Variants in MOV10 observed in about 807,000 individuals in gnomAD.
MOV10 encodes Mov10 RNA helicase, also known as RNA helicase MOV-10.
In MOV10, 39 loss-of-function variants were observed where a neutral mutation model predicts 108.4. That is an observed-to-expected ratio of 0.36 (90% CI 0.28 to 0.47). MOV10 has a LOEUF of 0.47. Among genes scored for constraint, MOV10 ranks in the 20% least tolerant of loss-of-function variants. The pLI, the probability that MOV10 is intolerant of heterozygous loss-of-function variation, is 1.00. For synonymous variants in MOV10, 490 were observed against 523.1 expected (o/e 0.94, Z 0.86); for missense variants, 952 against 1,297.6 (o/e 0.73, Z 4.09).
In MOV10 at chr1:112,688,948, G is replaced by A. The variant is rs561408204; in HGVS notation, c.151G>A (p.Ala51Thr). 17 of 1,612,222 alleles carry A rather than the reference G, an allele frequency of 1.1e-5. No individual in the cohort carries two copies. Among genetic ancestry groups the A allele is most frequent in the Middle Eastern group, 2.2e-4 (1 of 4,576 alleles). The stretch of plus-strand genomic sequence containing the variant: ...TGCTTCTGGCAGCTTTGGGACCCCC[G>A]CCCCTGGCTTCTCCTCCATGCTGTA... ...RDFKISFGTP[A>T]PGFSSMLYGM... The change falls in exon 3 of 21, where the codon GCC becomes ACC. Residue 51 changes from alanine (A) to threonine (T), a missense_variant. Physicochemically the swap from Ala to Thr is moderately conservative, Grantham distance 58 (BLOSUM62 0). Coordinates refer to ENST00000369645, the MANE Select transcript of MOV10 (RefSeq NM_001321324.2).
chr1:112,677,476 C>T (rs1570745524), intron 2 of MOV10, among the ~76,000 whole-genome samples: 1 of 151,732 alleles, frequency 6.6e-6, no homozygotes, highest in East Asian at 1.9e-4. Flanking sequence ...CTTGCTTTTT[C>T]TCTGGGCTCT....
chr1:112,686,482 G>A lies in MOV10; in HGVS notation c.138-2453G>A, dbSNP rs191357303. ...GGTTTCTTGTTTTCCCTTCCTCCCC[G>A]GGTTGTGCTAGTAGCTGCTCTCAAC... On this transcript the variant is annotated intron_variant, in intron 2 of 20. Transcript: ENST00000369645. Among the ~76,000 whole-genome samples the A allele has an allele frequency of 2.6e-5, 4 of 152,120 alleles. No homozygotes were observed. In the East Asian group the frequency reaches 7.7e-4, roughly 29 times the overall value.
intron 14 of MOV10, among the ~76,000 whole-genome samples, chr1:112,697,449 GAC>G (rs1674207301): frequency 6.6e-6 from 1 of 152,266 alleles, no homozygotes; most frequent in African/African-American, 2.4e-5. Context: ...TAGCCTGGGT[GAC>G]AGAGCGAGAC....
intron 16 of MOV10, 62 bp from the exon 17 acceptor site, chr1:112,698,653 C>A: frequency 6.4e-7 from 1 of 1,557,288 alleles, no homozygotes; most frequent in Non-Finnish European, 8.9e-7. Flanking sequence ...TGGCCTCCTG[C>A]CAGGCTCCCT....
chr1:112,689,397 G>A lies in MOV10; in HGVS notation c.342-18G>A. ...ACCGCTCCCACCCCAACCCCCCCTT[G>A]ACTCCCCTTCTCCCCAGGGCTGAGT... On this transcript the variant is annotated intron_variant, in intron 3 of 20. Coordinates refer to ENST00000369645, the MANE Select transcript of MOV10 (RefSeq NM_001321324.2). 29 of 615,310 alleles carry A rather than the reference G, an allele frequency of 4.7e-5. No individual in the cohort carries two copies. The highest frequency in any genetic ancestry group is 7.6e-5 in the Non-Finnish European group (26 of 342,098). The allele number at this position is 615,310 out of a possible 1,614,324, so 38.1% of individuals were successfully genotyped here.
intron 11 of MOV10, among the ~76,000 whole-genome samples, chr1:112,695,885 C>CA (rs972922533): frequency 1.5e-4 from 23 of 151,992 alleles, no homozygotes; most frequent in African/African-American, 5.6e-4. Flanking sequence ...ACTAAAAATA[C>CA]AAAAAAATCA....
intron 2 of MOV10, 190 bp from the exon 3 acceptor site, chr1:112,688,745 C>T (rs1210192066): frequency 6.3e-6 from 9 of 1,437,788 alleles, no homozygotes; most frequent in South Asian, 1.5e-5. Context: ...GTCCCATTGC[C>T]TTCCCTGAAA....
chr1:112,694,113 A>C lies in MOV10; in HGVS notation c.1236A>C (p.Thr412=). Residue 412 remains threonine (T), a synonymous_variant, in exon 8 of 21, where the codon ACA becomes ACC. Coordinates refer to ENST00000369645, the MANE Select transcript of MOV10 (RefSeq NM_001321324.2). This position sits in a 1 kb window ranked among gnomAD's most constrained non-coding sequence, Gnocchi z 4.1. ...SSETHQEDPI[T]YKGFVHKVEL... ...AGACACACCAGGAGGACCCCATCAC[A>C]TATAAGGGCTTTGTGCACAAGGTGG... The C allele has an allele frequency of 6.2e-7, 1 of 1,614,008 alleles. No individual in the cohort carries two copies. The highest frequency in any genetic ancestry group is 1.1e-5 in the South Asian group (1 of 91,076).
At position 112,695,289 on chromosome 1, in the gene MOV10, G is replaced by T; in HGVS notation, c.1621-127G>T. The T allele has an allele frequency of 4.4e-6, 4 of 918,808 alleles. No individual in the cohort carries two copies. In the South Asian group the frequency reaches 6.5e-5, roughly 15 times the overall value. 56.9% of individuals were successfully genotyped at this position (918,808 alleles called of 1,614,324 possible). A position where few individuals can be genotyped will look rare whatever the true frequency, so the allele number is the denominator to read the frequency against. On this transcript the variant is annotated intron_variant, in intron 10 of 20. Coordinates refer to ENST00000369645, the MANE Select transcript of MOV10 (RefSeq NM_001321324.2). Reference sequence around the variant, plus strand: ...GTGGCTGTGGAGCACTGTTGTACGGGTAGGGCACTGCATGAATCTTGGAGT... The same window carrying T: ...GTGGCTGTGGAGCACTGTTGTACGGTTAGGGCACTGCATGAATCTTGGAGT...
intron 5 of MOV10, among the ~76,000 whole-genome samples, chr1:112,691,226 A>C (rs1377365850): frequency 2.6e-5 from 4 of 152,138 alleles, no homozygotes; most frequent in Non-Finnish European, 4.4e-5. Flanking sequence ...CGGTGGTTGC[A>C]GTGAGCCGAG....
intron 12 of MOV10, 26 bp from the exon 13 acceptor site, chr1:112,696,411 C>A (rs762351563): frequency 1.3e-6 from 2 of 1,578,718 alleles, no homozygotes; most frequent in Non-Finnish European, 1.7e-6. Context: ...CTGGATATGA[C>A]CCCTGCCTGG....
intron 7 of MOV10, among the ~76,000 whole-genome samples, chr1:112,693,278 G>A (rs1570793019): frequency 1.3e-5 from 2 of 152,210 alleles, no homozygotes; most frequent in South Asian, 2.1e-4. Flanking sequence ...AATTACACAC[G>A]AGAATGGATT....
rs776616491 is a variant in MOV10, at chr1:112,694,488, A to G, written c.1331A>G (p.Lys444Arg). 3 of 1,614,096 alleles carry G rather than the reference A, an allele frequency of 1.9e-6. No homozygotes were observed. In the South Asian group the frequency reaches 3.3e-5, roughly 18 times the overall value. Residue 444 changes from lysine (K) to arginine (R), a missense_variant, in exon 9 of 21, where the codon AAG becomes AGG. Transcript: ENST00000369645. The surrounding 1 kb of genome is among the most constrained non-coding windows in gnomAD (Gnocchi z 4.1). ...CGCTTTGTGGATGGGCTGACCTTCA[A>G]GGTGAACTTTACCTTCAACCGCCAG... ...LSRFVDGLTF[K>R]VNFTFNRQPL...
Position 112,679,935 on chromosome 1 carries a change from G to T in MOV10, c.137+4886G>T, listed in dbSNP as rs1672490583. Among the ~76,000 whole-genome samples the T allele has an allele frequency of 2.0e-5, 3 of 152,090 alleles. 1 individual carries two copies. Among genetic ancestry groups the T allele is most frequent in the African/African-American group, 7.3e-5 (3 of 41,362 alleles). On this transcript the variant is annotated intron_variant, in intron 2 of 20. Transcript: ENST00000369645. ...AAAGTTGTAAAGGTTCATTCTCTTT[G>T]ACCCAGGTGTTGTACTTTAAGGAAT...
Position 112,691,776 on chromosome 1 carries a change from C to T in MOV10, c.948C>T (p.Ala316=). The T allele has an allele frequency of 6.2e-7, 1 of 1,614,096 alleles. No individual in the cohort carries two copies. Reference sequence around the variant, plus strand: ...TTCAGGGAACAAGTATCTTCACTGCCCCTAAGGAGATCGCAGAGATCAAGT... The same window carrying T: ...TTCAGGGAACAAGTATCTTCACTGCTCCTAAGGAGATCGCAGAGATCAAGT... ...MLLQGTSIFT[A]PKEIAEIKAQ... is the part of the protein sequence containing the mutation. Residue 316 remains alanine, a synonymous_variant, in exon 6 of 21, where the codon GCC becomes GCT. Transcript: ENST00000369645.
At chr1:112,691,241 C>T (rs1208538355) in intron 5 of MOV10, among the ~76,000 whole-genome samples, 5 of 151,974 alleles carry the variant, frequency 3.3e-5, no homozygotes, top group African/African-American at 7.2e-5. Context: ...GCCGAGATTG[C>T]GCCATTGCAC....
chr1:112,677,639 A>G (rs1415471463), intron 2 of MOV10, among the ~76,000 whole-genome samples: 1 of 152,080 alleles, frequency 6.6e-6, no homozygotes, highest in South Asian at 2.1e-4. Flanking sequence ...TAGATCCTCT[A>G]CCTTTAGTCA....
At chr1:112,690,543 A>T (rs1673491911) in intron 5 of MOV10, among the ~76,000 whole-genome samples, 1 of 152,078 alleles carries the variant, frequency 6.6e-6, no homozygotes. Context: ...TATTTTTAGT[A>T]GACATGGGGT....
intron 2 of MOV10, among the ~76,000 whole-genome samples, chr1:112,680,639 G>C (rs1311381576): frequency 1.7e-5 from 2 of 119,184 alleles, no homozygotes; most frequent in Non-Finnish European, 3.3e-5. Flanking sequence ...CTGGGCGACA[G>C]AGTGAGACTC....
Sources: allele counts gnomAD v4.1 joint callset (sites outside exome capture counted in the v4.1 genomes callset), GRCh38; gene constraint gnomAD v4.1.1; non-coding constraint Gnocchi (gnomAD v3.1); transcripts MANE v1.5; gene names NCBI Gene and HGNC (gene_info 2026-07-23, HGNC 2026-07-21).